LEF1: variants seen among roughly 807,000 people sequenced by gnomAD.
LEF1 encodes the protein lymphoid enhancer-binding factor 1.
A neutral mutation model predicts 51.2 loss-of-function variants in LEF1; 14 were observed. The ratio of observed to expected loss-of-function variants is 0.27; its 90% CI spans 0.18 to 0.43. The LOEUF is 0.43. Ranked by LOEUF, LEF1 falls within the 20% of genes least tolerant of loss-of-function variation. LEF1 has a pLI of 1.00. For missense variants in LEF1, 386 were observed against 512.0 expected, an observed-to-expected ratio of 0.75 and a Z score of 2.37; for synonymous variants, 185 against 183.2, an observed-to-expected ratio of 1.01 and a Z score of -0.08.
At chr4:108,050,447 C>T (rs963972107) in intron 11 of LEF1, among the ~76,000 whole-genome samples, 5 of 151,996 alleles carry the variant, frequency 3.3e-5, no homozygotes, top group Admixed American at 6.6e-5. Flanking sequence ...CTTCACAGTT[C>T]GCTGTGCCAG....
rs931139092 is a variant in LEF1 at position 108,130,414 on chromosome 4, T to C, written c.414+33154A>G. The stretch of plus-strand genomic sequence containing the variant: ...GCCTAAGATGATATTATTAACTGTT[T>C]ATGGCTCATCAAAAGACCTTCCAGG... On this transcript the variant is annotated intron_variant, in intron 3 of 11. Transcript: ENST00000265165. 2.0e-5 allele frequency among the ~76,000 whole-genome samples: 3 copies of C among 152,076 alleles called. No homozygotes were observed. The East Asian group carries it at 5.8e-4, about 29-fold the overall frequency.
intron 3 of LEF1, among the ~76,000 whole-genome samples, chr4:108,116,721 A>C (rs1158408576): frequency 6.6e-6 from 1 of 152,158 alleles, no homozygotes; most frequent in South Asian, 2.1e-4. Flanking sequence ...GGCCTGGTGA[A>C]CCTGGGTGTG....
chr4:108,088,752 C>T (rs1342952510), intron 4 of LEF1, among the ~76,000 whole-genome samples: 1 of 36,824 alleles, frequency 2.7e-5, no homozygotes. Context: ...GAATAAATCT[C>T]CTACTTTCCC....
intron 3 of LEF1, among the ~76,000 whole-genome samples, chr4:108,149,303 C>CA (rs1168845475): frequency 6.7e-6 from 1 of 149,344 alleles, no homozygotes; most frequent in Non-Finnish European, 1.5e-5. Context: ...ACTAAAAATA[C>CA]AAAAAATTAG....
chr4:108,085,896 T>C (rs976916345), intron 4 of LEF1, among the ~76,000 whole-genome samples: 6 of 152,238 alleles, frequency 3.9e-5, no homozygotes, highest in African/African-American at 7.2e-5. Context: ...GCTTATATAC[T>C]GCTTGGAGAA....
chr4:108,085,799 G>GT (rs1739606957), intron 4 of LEF1, among the ~76,000 whole-genome samples: 1 of 152,118 alleles, frequency 6.6e-6, no homozygotes, highest in South Asian at 2.1e-4. Context: ...GAATCTACAA[G>GT]TTTTTTTATT....
chr4:108,061,260 G>C (rs187293020), intron 11 of LEF1, among the ~76,000 whole-genome samples: 1 of 152,060 alleles, frequency 6.6e-6, no homozygotes, highest in Non-Finnish European at 1.5e-5. Flanking sequence ...TTTTTCTTGC[G>C]CAGGATAGAG....
At chr4:108,085,968 T>A (rs1191434395) in intron 4 of LEF1, among the ~76,000 whole-genome samples, 2 of 152,234 alleles carry the variant, frequency 1.3e-5, no homozygotes. Flanking sequence ...AGCCTCTTAG[T>A]TAATATTTCT....
Position 108,167,910 on chromosome 4 carries a change from GAGCGCGGGGC to G in LEF1, c.-153_-144del. 3.7e-6 allele frequency: 2 copies of G among 541,734 alleles called. No homozygotes were observed. Among genetic ancestry groups the G allele is most frequent in the Non-Finnish European group, 5.6e-6 (2 of 356,494 alleles). The allele number at this position is 541,734 out of a possible 1,614,324, so 33.6% of individuals were successfully genotyped here. ...GACAGCGGGCGGAAGCGGGGCGGGC[GAGCGCGGGGC>G]CGCCGGCCGGCAGCCGGAGCAGCTG... On this transcript the variant is annotated 5_prime_UTR_variant, in exon 1 of 12. Coordinates refer to ENST00000265165, the MANE Select transcript of LEF1 (RefSeq NM_016269.5). This position sits in a 1 kb window ranked among gnomAD's most constrained non-coding sequence, Gnocchi z 5.7.
At position 108,163,560 on chromosome 4, in the gene LEF1, T is replaced by C; in HGVS notation, c.414+8A>G. ...GAACATAATTTGCAACATCAGCATG[T>C]TACTTACTGTTCTCGGGATGGGTGG... On this transcript the variant is annotated splice_region_variant and intron_variant, in intron 3 of 11. Coordinates refer to ENST00000265165, the MANE Select transcript of LEF1 (RefSeq NM_016269.5). 2 of 1,610,746 alleles carry C rather than the reference T, an allele frequency of 1.2e-6. No individual in the cohort carries two copies. The highest frequency in any genetic ancestry group is 1.7e-6 in the Non-Finnish European group (2 of 1,178,824).
intron 10 of LEF1, among the ~76,000 whole-genome samples, chr4:108,063,934 A>G (rs545409247): frequency 6.6e-6 from 1 of 152,332 alleles, no homozygotes; most frequent in African/African-American, 2.4e-5. Flanking sequence ...CCAAATCACA[A>G]AAGAGATTCT....
chr4:108,153,284 T>C (rs1358376492), intron 3 of LEF1, among the ~76,000 whole-genome samples: 3 of 152,250 alleles, frequency 2.0e-5, no homozygotes, highest in African/African-American at 7.2e-5. Flanking sequence ...ACCCTGCCTC[T>C]GCAAAAGAGG....
intron 3 of LEF1, among the ~76,000 whole-genome samples, chr4:108,150,958 T>C (rs1397554743): frequency 6.6e-6 from 1 of 152,200 alleles, no homozygotes; most frequent in Non-Finnish European, 1.5e-5. Context: ...GGAAGCTTCA[T>C]AGGTAAGTGA....
At chr4:108,067,371 A>T (rs1261456035) in intron 9 of LEF1, among the ~76,000 whole-genome samples, 1 of 152,226 alleles carries the variant, frequency 6.6e-6, no homozygotes, top group Non-Finnish European at 1.5e-5. Context: ...GTTAAAACTC[A>T]TTACTTAAGA....
At chr4:108,088,658 G>A (rs1375884941) in intron 4 of LEF1, among the ~76,000 whole-genome samples, 1 of 152,214 alleles carries the variant, frequency 6.6e-6, no homozygotes, top group African/African-American at 2.4e-5. Flanking sequence ...CAATGATTAT[G>A]TAGAATATGT....
At chr4:108,079,355 A>T in intron 7 of LEF1, 137 bp downstream of exon 7, 1 of 971,774 alleles carries the variant, frequency 1.0e-6, no homozygotes, top group Non-Finnish European at 1.6e-6. Context: ...GTCCTCAGGG[A>T]CAGAGTTTTC....
chr4:108,094,862 G>A (rs758579948), intron 3 of LEF1, among the ~76,000 whole-genome samples: 1 of 152,204 alleles, frequency 6.6e-6, no homozygotes, highest in African/African-American at 2.4e-5. Context: ...CACTTCAGAA[G>A]TCTGGTACTC....
At chr4:108,049,224 C>G (rs947517859) in intron 11 of LEF1, among the ~76,000 whole-genome samples, 2 of 152,210 alleles carry the variant, frequency 1.3e-5, no homozygotes, top group Non-Finnish European at 2.9e-5. Flanking sequence ...TCCCGTGACG[C>G]TATGTGCTCT....
At chr4:108,143,995 T>C (rs933412104) in intron 3 of LEF1, among the ~76,000 whole-genome samples, 1 of 152,060 alleles carries the variant, frequency 6.6e-6, no homozygotes, top group Non-Finnish European at 1.5e-5. Context: ...AAATAATCTC[T>C]TGAAGAACCT....
Sources: gnomAD v4.1 joint callset for allele counts (sites outside exome capture counted in the v4.1 genomes callset) on GRCh38, gnomAD v4.1.1 for gene constraint, Gnocchi (gnomAD v3.1) non-coding constraint, MANE v1.5 for transcripts, NCBI Gene and HGNC (gene_info 2026-07-23, HGNC 2026-07-21) for gene names.